Variants in NDUFB5 observed in about 807,000 individuals in gnomAD.
NDUFB5 encodes NADH:ubiquinone oxidoreductase subunit B5.
NDUFB5 carries 19 observed loss-of-function variants against 19.4 expected under a neutral mutation model. The ratio of observed to expected loss-of-function variants is 0.98; its 90% CI spans 0.68 to 1.43. The LOEUF is 1.43. Ranked by LOEUF, NDUFB5 falls within the 40% of genes most tolerant of loss-of-function variation. NDUFB5 has a pLI of 0.00. For synonymous variants in NDUFB5, 80 were observed against 82.6 expected, an observed-to-expected ratio of 0.97 and a Z score of 0.17; for missense variants, 233 against 236.5, an observed-to-expected ratio of 0.99 and a Z score of 0.10.
At chr3:179,613,255 C>T (rs751197869) in intron 1 of NDUFB5, among the ~76,000 whole-genome samples, 1 of 152,040 alleles carries the variant, frequency 6.6e-6, no homozygotes, top group Non-Finnish European at 1.5e-5. Flanking sequence ...TTAATCAGTA[C>T]CTTTTGCTTA....
chr3:179,607,767 AC>A, intron 1 of NDUFB5: 1 of 701,560 alleles, frequency 1.4e-6, no homozygotes. Context: ...GCCCCTGGTA[AC>A]CACCATTCTG....
intron 1 of NDUFB5, chr3:179,607,626 G>T (rs1378889415): frequency 1.6e-6 from 1 of 612,820 alleles, no homozygotes; most frequent in Non-Finnish European, 2.9e-6. Flanking sequence ...TAAGTGCACC[G>T]TTCAGTGGTA....
At chr3:179,606,813 C>G (rs148455449) in intron 1 of NDUFB5, among the ~76,000 whole-genome samples, 5 of 152,204 alleles carry the variant, frequency 3.3e-5, no homozygotes, top group African/African-American at 1.2e-4. Flanking sequence ...CCCTATTCTC[C>G]CAGTTTAATT....
At position 179,614,992 on chromosome 3, in the gene NDUFB5, A is replaced by G. The variant is rs774048793; in HGVS notation, c.146A>G (p.Asp49Gly). The G allele has an allele frequency of 6.8e-6, 11 of 1,609,826 alleles. 2 individuals carry two copies. The South Asian group carries it at 1.2e-4, about 18-fold the overall frequency. ...KAAAPVRHSGDHGKRLFVIRP... is the reference protein window; with the variant it reads ...KAAAPVRHSGGHGKRLFVIRP... ...CCAGCTCCTGTTCGACACAGTGGAG[A>G]CCATGGGAAAAGACTATTTGTCATC... Residue 49 changes from aspartate to glycine, a missense_variant, in exon 2 of 6, where the codon GAC becomes GGC. Coordinates refer to ENST00000259037, the MANE Select transcript of NDUFB5 (RefSeq NM_002492.4).
At chr3:179,607,787 A>T (rs566015076) in intron 1 of NDUFB5, 4 of 697,056 alleles carry the variant, frequency 5.7e-6, no homozygotes, top group Non-Finnish European at 1.0e-5. Context: ...TGCTGTCTTT[A>T]TGATTTTGAC....
intron 3 of NDUFB5, 150 bp downstream of exon 3, chr3:179,616,199 A>C: frequency 4.6e-6 from 3 of 653,900 alleles, no homozygotes; most frequent in Non-Finnish European, 5.2e-6. Context: ...TAAAATAACC[A>C]AATCTCAATC....
In NDUFB5 at chr3:179,621,945, TA is replaced by T. The variant is rs1335606997; in HGVS notation, c.450-1974del. On this transcript the variant is annotated intron_variant, in intron 5 of 5. Coordinates refer to ENST00000259037, the MANE Select transcript of NDUFB5 (RefSeq NM_002492.4). ...ATCAGTAAATATGTAATTCCAAAAT[TA>T]TTTTTTTTAATATTCACCATGTCTT... Among the ~76,000 whole-genome samples, 7 of 152,264 alleles carry T rather than the reference TA, an allele frequency of 4.6e-5. No individual in the cohort carries two copies. In the South Asian group the frequency reaches 6.2e-4, roughly 14 times the overall value.
At chr3:179,610,852 T>G (rs1440708152) in intron 1 of NDUFB5, among the ~76,000 whole-genome samples, 1 of 152,222 alleles carries the variant, frequency 6.6e-6, no homozygotes, top group African/African-American at 2.4e-5. Context: ...TAAATTATGG[T>G]TTTTAAAAAT....
At chr3:179,606,846 T>C (rs1029838128) in intron 1 of NDUFB5, among the ~76,000 whole-genome samples, 1 of 152,206 alleles carries the variant, frequency 6.6e-6, no homozygotes, top group Non-Finnish European at 1.5e-5. Context: ...CTCCACAGGA[T>C]GAGGCAATAT....
chr3:179,622,521 T>C (rs1719566042), intron 5 of NDUFB5, among the ~76,000 whole-genome samples: 1 of 152,204 alleles, frequency 6.6e-6, no homozygotes. Context: ...TAACAGTATA[T>C]GTAGCATCTC....
rs1237925865 is a variant in NDUFB5 at position 179,624,521 on chromosome 3, T to C, written c.*481T>C. ...GTTTATAATGCTTTCATGGTTTTTT[T>C]TTTTGCCATGTATTGTTCTTTTTTA... is the stretch of plus-strand genomic sequence containing the variant. On this transcript the variant is annotated 3_prime_UTR_variant, in exon 6 of 6. Transcript: ENST00000259037. The C allele has an allele frequency of 6.6e-6, 1 of 151,730 alleles. No individual in the cohort carries two copies. The highest frequency in any genetic ancestry group is 1.4e-5 in the Non-Finnish European group (1 of 69,782). The allele number at this position is 151,730 out of a possible 1,614,324, so 9.4% of individuals were successfully genotyped here.
rs1004562893 is a variant in NDUFB5, at chr3:179,625,759, A to G, written c.*1719A>G. On this transcript the variant is annotated 3_prime_UTR_variant, in exon 6 of 6. Coordinates refer to ENST00000259037, the MANE Select transcript of NDUFB5 (RefSeq NM_002492.4). ...TTTCTACTCTGCCTCCATGAGACCC[A>G]TTTTTTAATCTCCCACATATGAGTG... is the stretch of plus-strand genomic sequence containing the variant. The G allele has an allele frequency of 1.3e-5, 2 of 151,950 alleles. No homozygotes were observed. Among genetic ancestry groups the G allele is most frequent in the Admixed American group, 1.3e-4 (2 of 15,232 alleles). The allele number at this position is 151,950 out of a possible 1,614,324, so 9.4% of individuals were successfully genotyped here. A position where few individuals can be genotyped will look rare whatever the true frequency, so the allele number is the denominator to read the frequency against.
intron 1 of NDUFB5, among the ~76,000 whole-genome samples, chr3:179,609,583 C>T (rs761626772): frequency 1.4e-4 from 21 of 152,204 alleles, no homozygotes; most frequent in Admixed American, 3.3e-4. Context: ...TGCTTTCCTC[C>T]ACCTGGGGCC....
At chr3:179,613,373 C>G (rs959291096) in intron 1 of NDUFB5, among the ~76,000 whole-genome samples, 1 of 152,120 alleles carries the variant, frequency 6.6e-6, no homozygotes, top group African/African-American at 2.4e-5. Flanking sequence ...AACTTTTCTT[C>G]TGGGCCACTG....
intron 5 of NDUFB5, among the ~76,000 whole-genome samples, chr3:179,620,015 C>G (rs1719491831): frequency 6.6e-6 from 1 of 152,184 alleles, no homozygotes; most frequent in Non-Finnish European, 1.5e-5. Context: ...AGTGTCTGTT[C>G]ATATCCTTTG....
chr3:179,608,632 A>G (rs1323703568), intron 1 of NDUFB5, among the ~76,000 whole-genome samples: 1 of 152,194 alleles, frequency 6.6e-6, no homozygotes, highest in Non-Finnish European at 1.5e-5. Context: ...ACTTATCTAA[A>G]GACAAAAGTG....
rs186088943 is a variant in NDUFB5, at chr3:179,615,359, C to A, written c.213+300C>A. 1.9e-4 allele frequency: 48 copies of A among 255,820 alleles called. No individual in the cohort carries two copies. In the East Asian group the frequency reaches 3.5e-3, roughly 19 times the overall value. The allele number at this position is 255,820 out of a possible 1,614,324, so 15.8% of individuals were successfully genotyped here. On this transcript the variant is annotated intron_variant, in intron 2 of 5. Coordinates refer to ENST00000259037, the MANE Select transcript of NDUFB5 (RefSeq NM_002492.4). ...TCTGTGTTCCTATAACTAAAATATT[C>A]TTTAAATTACCAAAGAACTTGTTGA...
chr3:179,621,616 A>G (rs930767471), intron 5 of NDUFB5, among the ~76,000 whole-genome samples: 1 of 150,108 alleles, frequency 6.7e-6, no homozygotes, highest in African/African-American at 2.5e-5. Context: ...CAGCCTCCCG[A>G]GTAGCTGGGA....
intron 5 of NDUFB5, among the ~76,000 whole-genome samples, chr3:179,619,370 G>A (rs1173134027): frequency 6.6e-6 from 1 of 151,058 alleles, no homozygotes; most frequent in South Asian, 2.1e-4. Context: ...CCCACAACAG[G>A]CCCCAGTGTG....
Sources: allele counts gnomAD v4.1 joint callset (sites outside exome capture counted in the v4.1 genomes callset), GRCh38; gene constraint gnomAD v4.1.1; transcripts MANE v1.5; gene names NCBI Gene and HGNC (gene_info 2026-07-23, HGNC 2026-07-21).